The following ZNF316 variants were observed in gnomAD, a reference collection of about 807,000 sequenced individuals.
ZNF316 encodes zinc finger protein 316.
A neutral mutation model predicts 75.6 loss-of-function variants in ZNF316; 23 were observed. That is an observed-to-expected ratio of 0.30 (90% CI 0.22 to 0.43). The LOEUF (loss-of-function observed/expected upper bound fraction) is 0.43. ZNF316 is among the 20% of genes least tolerant of loss of function. The pLI is 1.00. For synonymous variants in ZNF316, 827 were observed against 666.2 expected, an observed-to-expected ratio of 1.24 and a Z score of -3.72; for missense variants, 1,266 against 1,409.4, an observed-to-expected ratio of 0.90 and a Z score of 1.63.
In ZNF316 at chr7:6,658,072, C is replaced by T. The variant is rs1779657219; in HGVS notation, c.*3461C>T. 6.6e-6 allele frequency among the ~76,000 whole-genome samples: 1 copy of T among 152,110 alleles called. No individual in the cohort carries two copies. The highest frequency in any genetic ancestry group is 1.5e-5 in the Non-Finnish European group (1 of 68,030). ...TCAGCCCTGAGCGTCACTTTCCCCT[C>T]CATCTACCTTTGTTATTTCCTTTCT... On this transcript the variant is annotated 3_prime_UTR_variant, in exon 9 of 9. Transcript: ENST00000382252.
At chr7:6,638,550 G>A (rs912244519) in intron 2 of ZNF316, among the ~76,000 whole-genome samples, 1 of 152,244 alleles carries the variant, frequency 6.6e-6, no homozygotes, top group East Asian at 1.9e-4. Flanking sequence ...CCCTTGCCTC[G>A]CTCCCTTCTC....
chr7:6,640,614 G>A lies in ZNF316; in HGVS notation c.-166-1211G>A, dbSNP rs995343422. Among the ~76,000 whole-genome samples the A allele has an allele frequency of 3.3e-5, 5 of 152,212 alleles. No homozygotes were observed. The highest frequency in any genetic ancestry group is 9.6e-5 in the African/African-American group (4 of 41,462). On this transcript the variant is annotated intron_variant, in intron 3 of 8. Coordinates refer to ENST00000382252, the MANE Select transcript of ZNF316 (RefSeq NM_001278559.2). The surrounding 1 kb of genome is among the most constrained non-coding windows in gnomAD (Gnocchi z 5.1). ...GGGATTACGGTTCAGCGTGAGATCT[G>A]GGCGGGGACAAACATCCAGGCTCCA...
At chr7:6,648,076 T>C (rs1001195295) in intron 8 of ZNF316, among the ~76,000 whole-genome samples, 2 of 152,124 alleles carry the variant, frequency 1.3e-5, no homozygotes, top group African/African-American at 4.8e-5. Context: ...CCTGCAGTTG[T>C]GTTGGTGGGA....
Position 6,657,051 on chromosome 7 carries a change from G to C in ZNF316, c.*2440G>C, listed in dbSNP as rs939616995. ...CTTTTCTTGCCCAGGCTGGAGTGCA[G>C]GGCGTGATCTCGGCTCACTGCAACC... On this transcript the variant is annotated 3_prime_UTR_variant, in exon 9 of 9. Coordinates refer to ENST00000382252, the MANE Select transcript of ZNF316 (RefSeq NM_001278559.2). Among the ~76,000 whole-genome samples, 1 of 152,104 alleles carries C rather than the reference G, an allele frequency of 6.6e-6. No individual in the cohort carries two copies. Among genetic ancestry groups the C allele is most frequent in the Admixed American group, 6.5e-5 (1 of 15,270 alleles).
chr7:6,645,371 C>T (rs1240699937), intron 8 of ZNF316, among the ~76,000 whole-genome samples: 6 of 152,148 alleles, frequency 3.9e-5, no homozygotes, highest in African/African-American at 2.4e-5. Flanking sequence ...ATTTGGAGCA[C>T]CTCATAGATG....
intron 8 of ZNF316, among the ~76,000 whole-genome samples, chr7:6,650,717 G>T (rs1335776338): frequency 6.6e-6 from 1 of 151,486 alleles, no homozygotes; most frequent in Non-Finnish European, 1.5e-5. Flanking sequence ...GTGGGGTGAG[G>T]AGGAGATTTC....
rs1779534669 is a variant in ZNF316, at chr7:6,652,802, G to A, written c.1206G>A (p.Pro402=). The A allele has an allele frequency of 3.1e-6, 4 of 1,271,214 alleles. No individual in the cohort carries two copies. Among genetic ancestry groups the A allele is most frequent in the African/African-American group, 1.5e-5 (1 of 65,274 alleles). The allele number at this position is 1,271,214 out of a possible 1,614,324, so 78.7% of individuals were successfully genotyped here. Residue 402 remains proline, a synonymous_variant, in exon 9 of 9, where the codon CCG becomes CCA. Transcript: ENST00000382252. ...CGCACACCGGCGAGAAGCCCTTCCC[G>A]TGCCCGGACTGCGGCAAGCGCTTCG... ...QRTHTGEKPF[P]CPDCGKRFVY...
rs141337884 is a variant in ZNF316, at chr7:6,649,482, T to A, written c.707-2821T>A. Among the ~76,000 whole-genome samples, 13 of 152,270 alleles carry A rather than the reference T, an allele frequency of 8.5e-5. No homozygotes were observed. In the East Asian group the frequency reaches 1.4e-3, roughly 16 times the overall value. The stretch of plus-strand genomic sequence containing the variant: ...GAGCTGTGATGAGGCCTGACTTAGA[T>A]CTGGAAAACGGCTTTGGATCTGAGA... On this transcript the variant is annotated intron_variant, in intron 8 of 8. Coordinates refer to ENST00000382252, the MANE Select transcript of ZNF316 (RefSeq NM_001278559.2).
chr7:6,649,052 C>T (rs947085154), intron 8 of ZNF316, among the ~76,000 whole-genome samples: 4 of 152,028 alleles, frequency 2.6e-5, no homozygotes, highest in African/African-American at 4.8e-5. Context: ...TGTCACCTGC[C>T]GCTGGATGGG....
intron 2 of ZNF316, 71 bp downstream of exon 2, chr7:6,638,080 AGG>A (rs1223823059): frequency 6.5e-6 from 1 of 152,704 alleles, no homozygotes; most frequent in Non-Finnish European, 1.5e-5. Context: ...GAGGTAGGAA[AGG>A]GGCTGGGCTT....
In ZNF316 at chr7:6,657,535, G is replaced by A. The variant is rs117777781; in HGVS notation, c.*2924G>A. ...CCTTGAGGATCTTACAGTCTATTCA[G>A]AAAAGTTAAATGAGGCTGGGTGCGA... is the stretch of plus-strand genomic sequence containing the variant. On this transcript the variant is annotated 3_prime_UTR_variant, in exon 9 of 9. Transcript: ENST00000382252. Among the ~76,000 whole-genome samples, 3,423 of 151,996 alleles carry A rather than the reference G, an allele frequency of 0.023. 60 individuals are homozygous for A. The highest frequency in any genetic ancestry group is 0.051 in the Middle Eastern group (15 of 294).
At position 6,639,696 on chromosome 7, in the gene ZNF316, G is replaced by C. The variant is rs1473728987; in HGVS notation, c.-167+555G>C. 6.6e-6 allele frequency among the ~76,000 whole-genome samples: 1 copy of C among 152,216 alleles called. No individual in the cohort carries two copies. The highest frequency in any genetic ancestry group is 1.5e-5 in the Non-Finnish European group (1 of 68,034). ...GGCAGGAGACAGCTCTACTGAGCTT[G>C]GCATGGCACCTAGGCCCAGCCTGAA... On this transcript the variant is annotated intron_variant, in intron 3 of 8. Coordinates refer to ENST00000382252, the MANE Select transcript of ZNF316 (RefSeq NM_001278559.2). This position sits in a 1 kb window ranked among gnomAD's most constrained non-coding sequence, Gnocchi z 4.2.
chr7:6,644,693 G>A (rs1448642949), intron 8 of ZNF316, 100 bp downstream of exon 8: 1 of 574,046 alleles, frequency 1.7e-6, no homozygotes, highest in Non-Finnish European at 2.6e-6. Context: ...GGTACCTGGT[G>A]CCTCTGACTG....
chr7:6,647,394 G>A lies in ZNF316; in HGVS notation c.706+2801G>A, dbSNP rs138827984. On this transcript the variant is annotated intron_variant, in intron 8 of 8. Coordinates refer to ENST00000382252, the MANE Select transcript of ZNF316 (RefSeq NM_001278559.2). ...ACCCTCATCCCCCTGACAGTTTGCA[G>A]AAGAGAGTGCTGCTAATGCCTATGG... Among the ~76,000 whole-genome samples the A allele has an allele frequency of 1.8e-3, 275 of 152,368 alleles. 1 individual carries two copies. Among genetic ancestry groups the A allele is most frequent in the African/African-American group, 6.4e-3 (267 of 41,584 alleles).
intron 8 of ZNF316, among the ~76,000 whole-genome samples, chr7:6,646,835 A>G (rs1779413658): frequency 6.6e-6 from 1 of 152,102 alleles, no homozygotes; most frequent in Non-Finnish European, 1.5e-5. Flanking sequence ...GAGTCTTGCA[A>G]GAGCCAAGTA....
rs1332971655 is a variant in ZNF316 at position 6,657,771 on chromosome 7, G to C, written c.*3160G>C. 1.5e-5 allele frequency among the ~76,000 whole-genome samples: 2 copies of C among 133,302 alleles called. No homozygotes were observed. Among genetic ancestry groups the C allele is most frequent in the East Asian group, 5.2e-4 (2 of 3,860 alleles). 87.5% of individuals were successfully genotyped at this position (133,302 alleles called of 152,430 possible). On this transcript the variant is annotated 3_prime_UTR_variant, in exon 9 of 9. Transcript: ENST00000382252. ...CTGAGCCTGGGAGGCAGAGGCTGCAGTGAACTATGATTTTTCCATTGCACT... is the reference window on the plus strand; with the variant it reads ...CTGAGCCTGGGAGGCAGAGGCTGCACTGAACTATGATTTTTCCATTGCACT...
chr7:6,638,187 G>T (rs1171669258), intron 2 of ZNF316, among the ~76,000 whole-genome samples, 178 bp downstream of exon 2: 1 of 152,142 alleles, frequency 6.6e-6, no homozygotes, highest in Non-Finnish European at 1.5e-5. Flanking sequence ...GCTTGGTTTG[G>T]TTCAACAAGT....
rs1334921779 is a variant in ZNF316, at chr7:6,653,164, A to G, written c.1568A>G (p.Glu523Gly). The part of the protein sequence containing the change: ...GGDGPRREPG[E>G]TAAAAGPEDT... The stretch of plus-strand genomic sequence containing the variant: ...GACGGCCCCCGGCGGGAGCCCGGCG[A>G]GACGGCGGCCGCCGCGGGGCCCGAG... Residue 523 changes from glutamate to glycine, a missense_variant, in exon 9 of 9, where the codon GAG becomes GGG. Glu to Gly is a moderately conservative substitution (Grantham distance 98). This residue lies in a region of ZNF316 where 961 missense variants were observed against 990.9 expected (regional missense o/e 0.97). Transcript: ENST00000382252. 2 of 1,195,746 alleles carry G rather than the reference A, an allele frequency of 1.7e-6. No homozygotes were observed. Among genetic ancestry groups the G allele is most frequent in the Non-Finnish European group, 2.1e-6 (2 of 965,326 alleles). 74.1% of individuals were successfully genotyped at this position (1,195,746 alleles called of 1,614,324 possible).
Position 6,652,613 on chromosome 7 carries a change from G to A in ZNF316, c.1017G>A (p.Pro339=), listed in dbSNP as rs1388832073. 4.1e-6 allele frequency: 5 copies of A among 1,230,258 alleles called. No homozygotes were observed. Among genetic ancestry groups the A allele is most frequent in the East Asian group, 3.2e-5 (1 of 31,622 alleles). The allele number at this position is 1,230,258 out of a possible 1,614,324, so 76.2% of individuals were successfully genotyped here. The change falls in exon 9 of 9, where the codon CCG becomes CCA. Residue 339 remains proline, a synonymous_variant. Transcript: ENST00000382252. The part of the protein sequence containing the change: ...PWAFPAAVAP[P]AGRPETTCDV... ...CGTTCCCCGCCGCAGTGGCCCCGCC[G>A]GCCGGGAGGCCGGAGACCACGTGCG...
Sources: allele counts gnomAD v4.1 joint callset (sites outside exome capture counted in the v4.1 genomes callset), GRCh38; gene constraint gnomAD v4.1.1; regional missense constraint gnomAD v4.1.1; non-coding constraint Gnocchi (gnomAD v3.1); transcripts MANE v1.5; gene names NCBI Gene and HGNC (gene_info 2026-07-23, HGNC 2026-07-21).